EPHA3: variants seen among roughly 807,000 people sequenced by gnomAD.
EPHA3 encodes the protein EPH receptor A3, also known as ephrin type-A receptor 3.
In EPHA3, 42 loss-of-function variants were observed where a neutral mutation model predicts 107.1. That is an observed-to-expected ratio of 0.39 (90% CI 0.31 to 0.51). The LOEUF (loss-of-function observed/expected upper bound fraction) is 0.51, where lower values mean the gene tolerates loss of function less well. EPHA3 is among the 20% of genes least tolerant of loss of function. The probability of loss-of-function intolerance (pLI) is 0.78; values close to 1 mark genes in which losing one functional copy is unlikely to be tolerated. For missense variants in EPHA3, 1,183 were observed against 1,211.2 expected (o/e 0.98, Z 0.35); for synonymous variants, 461 against 424.8 (o/e 1.09, Z -1.05).
intron 11 of EPHA3, 131 bp downstream of exon 11, chr3:89,419,521 G>A (rs1258734255): frequency 5.0e-5 from 34 of 678,008 alleles, no homozygotes; most frequent in Non-Finnish European, 7.7e-5. Flanking sequence ...AAAAGTTTAG[G>A]AATAGCATGC....
intron 13 of EPHA3, among the ~76,000 whole-genome samples, chr3:89,433,369 G>A (rs1214558694): frequency 6.6e-6 from 1 of 151,684 alleles, no homozygotes; most frequent in Non-Finnish European, 1.5e-5. Context: ...TTGTCACATG[G>A]CATGCATATC....
intron 5 of EPHA3, among the ~76,000 whole-genome samples, chr3:89,350,041 C>T (rs1444156926): frequency 6.6e-6 from 1 of 150,480 alleles, no homozygotes; most frequent in Non-Finnish European, 1.5e-5. Flanking sequence ...TCTCTGGCTG[C>T]CCTTAACATT....
chr3:89,353,543 T>C (rs1707878597), intron 5 of EPHA3, among the ~76,000 whole-genome samples: 1 of 151,298 alleles, frequency 6.6e-6, no homozygotes, highest in Admixed American at 6.6e-5. Context: ...CAGTACATCA[T>C]GCTTGACTGG....
intron 5 of EPHA3, among the ~76,000 whole-genome samples, chr3:89,393,781 A>T (rs954353391): frequency 1.6e-4 from 24 of 151,326 alleles, no homozygotes; most frequent in Admixed American, 7.9e-4. Context: ...GCAAAAATAA[A>T]TTTTTTTTTA....
intron 16 of EPHA3, among the ~76,000 whole-genome samples, chr3:89,475,375 A>G (rs1334456399): frequency 2.0e-5 from 3 of 152,220 alleles, no homozygotes; most frequent in East Asian, 3.9e-4. Context: ...TAGAATAGAA[A>G]AAGATACCTT....
In EPHA3 at chr3:89,399,466, A is replaced by T. The variant is rs1708914260; in HGVS notation, c.1580A>T (p.Glu527Val). The T allele has an allele frequency of 3.7e-6, 6 of 1,614,032 alleles. No individual in the cohort carries two copies. Among genetic ancestry groups the T allele is most frequent in the Non-Finnish European group, 5.1e-6 (6 of 1,180,038 alleles). ...ACGAACAGCCGCAAGTTTGAGTTTG[A>T]AACTAGTCCAGACTGTATGTATTAT... ...YGTNSRKFEFETSPDSFSISG... is the reference protein window; with the variant it reads ...YGTNSRKFEFVTSPDSFSISG... The change falls in exon 7 of 17, where the codon GAA becomes GTA. Residue 527 changes from glutamate (E) to valine (V), a missense_variant. Glu to Val is a moderately radical substitution (Grantham distance 121, BLOSUM62 -2). Transcript: ENST00000336596.
At chr3:89,164,682 C>A (rs534063462) in intron 2 of EPHA3, among the ~76,000 whole-genome samples, 81 of 152,088 alleles carry the variant, frequency 5.3e-4, no homozygotes, top group African/African-American at 1.9e-3. Flanking sequence ...TTAAGTAGGC[C>A]AAGGAAAGGA....
chr3:89,251,598 T>A (rs1278132805), intron 3 of EPHA3, among the ~76,000 whole-genome samples: 1 of 152,056 alleles, frequency 6.6e-6, no homozygotes, highest in African/African-American at 2.4e-5. Context: ...TAAATATGAA[T>A]CAATCTGATT....
intron 1 of EPHA3, among the ~76,000 whole-genome samples, chr3:89,108,926 G>A (rs909884381): frequency 1.3e-5 from 2 of 152,136 alleles, no homozygotes; most frequent in Non-Finnish European, 2.9e-5. Flanking sequence ...CCGAGCAACT[G>A]ATGTGCAAAC....
At chr3:89,306,316 C>T (rs1706620692) in intron 3 of EPHA3, among the ~76,000 whole-genome samples, 1 of 152,036 alleles carries the variant, frequency 6.6e-6, no homozygotes, top group South Asian at 2.1e-4. Flanking sequence ...AATTACTACG[C>T]CCATTTTTAT....
rs115786065 is a variant in EPHA3 at position 89,452,297 on chromosome 3, G to A, written c.2690+1927G>A. Among the ~76,000 whole-genome samples the A allele has an allele frequency of 2.0e-3, 304 of 152,020 alleles. 1 individual carries two copies. The highest frequency in any genetic ancestry group is 6.4e-3 in the African/African-American group (266 of 41,476). On this transcript the variant is annotated intron_variant, in intron 15 of 16. Transcript: ENST00000336596. ...GAACCTCCATACATTTTTCCATATGGCTGTTCCAATTTACATTCCCTTACA... is the reference window on the plus strand; with the variant it reads ...GAACCTCCATACATTTTTCCATATGACTGTTCCAATTTACATTCCCTTACA...
At chr3:89,332,778 G>T (rs1488983814) in intron 3 of EPHA3, among the ~76,000 whole-genome samples, 2 of 152,174 alleles carry the variant, frequency 1.3e-5, no homozygotes, top group Non-Finnish European at 2.9e-5. Flanking sequence ...GCTGGGAATT[G>T]CTAATATAGC....
chr3:89,363,918 C>T (rs989625765), intron 5 of EPHA3, among the ~76,000 whole-genome samples: 1 of 150,738 alleles, frequency 6.6e-6, no homozygotes, highest in Non-Finnish European at 1.5e-5. Context: ...GTCCCCTCCC[C>T]TATTCCTATC....
At chr3:89,192,058 T>C (rs1705729125) in intron 2 of EPHA3, among the ~76,000 whole-genome samples, 1 of 152,168 alleles carries the variant, frequency 6.6e-6, no homozygotes, top group South Asian at 2.1e-4. Flanking sequence ...TCTTCATCTT[T>C]TGAAAGGAGA....
At chr3:89,432,451 C>G (rs565758648) in intron 13 of EPHA3, among the ~76,000 whole-genome samples, 1 of 151,954 alleles carries the variant, frequency 6.6e-6, no homozygotes, top group African/African-American at 2.4e-5. Flanking sequence ...GGCACAATTA[C>G]GACTCATTGT....
In EPHA3 at chr3:89,202,311, A is replaced by G. The variant is rs192359301; in HGVS notation, c.154-7549A>G. Among the ~76,000 whole-genome samples, 81 of 151,988 alleles carry G rather than the reference A, an allele frequency of 5.3e-4. 2 individuals are homozygous for G. In the East Asian group the frequency reaches 0.014, roughly 26 times the overall value. ...GGGGTTAGAGACCAGCCTGGCCAAC[A>G]TGGCAAAACACCGTCTCTACTGAAA... On this transcript the variant is annotated intron_variant, in intron 2 of 16. Transcript: ENST00000336596.
intron 5 of EPHA3, among the ~76,000 whole-genome samples, chr3:89,390,639 C>T (rs540940014): frequency 7.3e-5 from 11 of 151,628 alleles, no homozygotes; most frequent in African/African-American, 2.2e-4. Context: ...TGCATCTCTC[C>T]GTTATATATG....
chr3:89,180,655 T>C (rs1705424082), intron 2 of EPHA3, among the ~76,000 whole-genome samples: 1 of 151,980 alleles, frequency 6.6e-6, no homozygotes, highest in Admixed American at 6.6e-5. Context: ...TGCCTTGTGG[T>C]GCAGCTGATA....
intron 13 of EPHA3, among the ~76,000 whole-genome samples, chr3:89,434,554 C>T (rs1457860824): frequency 2.0e-5 from 3 of 152,080 alleles, no homozygotes; most frequent in Admixed American, 6.6e-5. Flanking sequence ...TCTCTGTCCC[C>T]ATAAGTAGGC....
Sources: allele counts gnomAD v4.1 joint callset (sites outside exome capture counted in the v4.1 genomes callset), GRCh38; gene constraint gnomAD v4.1.1; transcripts MANE v1.5; gene names NCBI Gene and HGNC (gene_info 2026-07-23, HGNC 2026-07-21).